The following RNF217 variants were observed in gnomAD, a reference collection of about 807,000 sequenced individuals.
RNF217 encodes ring finger protein 217, also known as E3 ubiquitin-protein ligase RNF217.
A neutral mutation model predicts 57.8 loss-of-function variants in RNF217; 31 were observed. The observed-to-expected ratio is 0.54, with a 90% CI of 0.40 to 0.72. The LOEUF is 0.72. RNF217 is among the 30% of genes least tolerant of loss of function. RNF217 has a pLI of 0.00. For missense variants in RNF217, 696 were observed against 708.3 expected (o/e 0.98, Z 0.20); for synonymous variants, 313 against 294.0 (o/e 1.06, Z -0.66).
At chr6:125,078,002 G>A (rs967213061) in intron 4 of RNF217, among the ~76,000 whole-genome samples, 5 of 152,116 alleles carry the variant, frequency 3.3e-5, no homozygotes, top group South Asian at 2.1e-4. Flanking sequence ...AACCAATGCC[G>A]TCATTTTCTA....
rs1324869372 is a variant in RNF217, at chr6:124,963,351, C to A, written c.807C>A (p.Asp269Glu). ...TGATGTGCCGGGTGTGCCTGGAAGA[C>A]AAGCCCATCAAGCCCCTGCCTTGCT... ...MVLMCRVCLE[D>E]KPIKPLPCCK... The change falls in exon 1 of 6, where the codon GAC becomes GAA. Residue 269 changes from aspartate (D) to glutamate (E), a missense_variant. Asp to Glu is a conservative substitution (Grantham distance 45). Around this residue, in one of 2 missense-constraint regions of RNF217, gnomAD observed 465 missense variants for 386.8 expected, o/e 1.20. Coordinates refer to ENST00000521654, the MANE Select transcript of RNF217 (RefSeq NM_001286398.3). 2.6e-6 allele frequency: 4 copies of A among 1,529,384 alleles called. No individual in the cohort carries two copies. In the East Asian group the frequency reaches 7.3e-5, roughly 28 times the overall value. The allele number at this position is 1,529,384 out of a possible 1,614,324, so 94.7% of individuals were successfully genotyped here.
intron 1 of RNF217, among the ~76,000 whole-genome samples, chr6:125,038,751 A>G: frequency 6.6e-6 from 1 of 152,176 alleles, no homozygotes; most frequent in Non-Finnish European, 1.5e-5. Flanking sequence ...TTCACTTTAT[A>G]CTATGGACTT....
At chr6:124,996,820 C>A (rs989303314) in intron 1 of RNF217, among the ~76,000 whole-genome samples, 2 of 152,106 alleles carry the variant, frequency 1.3e-5, no homozygotes, top group African/African-American at 4.8e-5. Flanking sequence ...CCTTGTATAT[C>A]TTTATATTAC....
At chr6:125,081,589 T>C in intron 5 of RNF217, 82 bp downstream of exon 5, 2 of 1,116,206 alleles carry the variant, frequency 1.8e-6, no homozygotes, top group Non-Finnish European at 2.6e-6. Context: ...ATAATATGAA[T>C]CAGTTATTAA....
At position 125,085,370 on chromosome 6, in the gene RNF217, A is replaced by G. The variant is rs1195658814; in HGVS notation, c.*2433A>G. ...TAGATATTTTTAAATTAACATACAC[A>G]TTTTTCTCTTTAAAGGGTCATATCT... On this transcript the variant is annotated 3_prime_UTR_variant, in exon 6 of 6. Coordinates refer to ENST00000521654, the MANE Select transcript of RNF217 (RefSeq NM_001286398.3). The G allele has an allele frequency of 6.6e-6, 1 of 151,740 alleles. No individual in the cohort carries two copies. The highest frequency in any genetic ancestry group is 1.5e-5 in the Non-Finnish European group (1 of 67,784). The allele number at this position is 151,740 out of a possible 1,614,324, so 9.4% of individuals were successfully genotyped here.
At chr6:124,969,891 G>A (rs1783697337) in intron 1 of RNF217, among the ~76,000 whole-genome samples, 2 of 151,506 alleles carry the variant, frequency 1.3e-5, no homozygotes, top group African/African-American at 2.4e-5. Context: ...TGGAGGATAT[G>A]TTTTACGAAG....
At chr6:125,024,240 A>T (rs934642575) in intron 1 of RNF217, among the ~76,000 whole-genome samples, 2 of 152,136 alleles carry the variant, frequency 1.3e-5, no homozygotes, top group Non-Finnish European at 2.9e-5. Context: ...AGCAGAAGAA[A>T]AGTCGGGAGG....
intron 1 of RNF217, among the ~76,000 whole-genome samples, chr6:125,035,796 A>T (rs924536117): frequency 6.6e-6 from 1 of 151,116 alleles, no homozygotes; most frequent in Admixed American, 6.6e-5. Context: ...ATTTACAGTT[A>T]CAGTCTACCT....
intron 1 of RNF217, among the ~76,000 whole-genome samples, chr6:125,016,158 C>T (rs374743822): frequency 3.3e-5 from 5 of 152,204 alleles, no homozygotes; most frequent in South Asian, 2.1e-4. Flanking sequence ...TGTAAGCAAA[C>T]GTAACAACTT....
intron 1 of RNF217, among the ~76,000 whole-genome samples, chr6:125,044,025 T>A (rs1037848499): frequency 6.6e-6 from 1 of 151,832 alleles, no homozygotes; most frequent in African/African-American, 2.4e-5. Flanking sequence ...TTGTGCCAGA[T>A]AAATAGCAAT....
At chr6:125,052,523 A>G (rs1787364436) in intron 2 of RNF217, among the ~76,000 whole-genome samples, 1 of 152,030 alleles carries the variant, frequency 6.6e-6, no homozygotes, top group African/African-American at 2.4e-5. Context: ...CCATGCAGGG[A>G]AGAGATCCCC....
intron 1 of RNF217, among the ~76,000 whole-genome samples, chr6:124,967,260 A>G (rs977448363): frequency 6.6e-6 from 1 of 152,118 alleles, no homozygotes; most frequent in Non-Finnish European, 1.5e-5. Flanking sequence ...TAACCCTCCT[A>G]AGTATTGGCC....
rs1466894593 is a variant in RNF217 at position 125,089,733 on chromosome 6, A to G, written c.*6796A>G. The G allele has an allele frequency of 1.3e-5, 2 of 152,274 alleles. No individual in the cohort carries two copies. Among genetic ancestry groups the G allele is most frequent in the African/African-American group, 4.8e-5 (2 of 41,572 alleles). 9.4% of individuals were successfully genotyped at this position (152,274 alleles called of 1,614,324 possible). The stretch of plus-strand genomic sequence containing the variant: ...TTTAGATTCTTGTGGCTGGCAAGCT[A>G]TGCTGTCATTGGTTCTCTGCGAATC... On this transcript the variant is annotated 3_prime_UTR_variant, in exon 6 of 6. Coordinates refer to ENST00000521654, the MANE Select transcript of RNF217 (RefSeq NM_001286398.3).
chr6:124,983,256 G>A, intron 1 of RNF217: 1 of 514,744 alleles, frequency 1.9e-6, no homozygotes, highest in South Asian at 8.4e-5. Context: ...TAGAGCCACT[G>A]GTTTTAAAAG....
intron 1 of RNF217, among the ~76,000 whole-genome samples, chr6:124,979,199 C>G (rs1355796252): frequency 6.6e-6 from 1 of 152,136 alleles, no homozygotes; most frequent in Admixed American, 6.5e-5. Flanking sequence ...TTGTCTGTCT[C>G]TTGTTATTAT....
rs1012493616 is a variant in RNF217 at position 125,086,120 on chromosome 6, A to T, written c.*3183A>T. On this transcript the variant is annotated 3_prime_UTR_variant, in exon 6 of 6. Coordinates refer to ENST00000521654, the MANE Select transcript of RNF217 (RefSeq NM_001286398.3). ...AGGTTGTACATTTGTTTTTTACAAG[A>T]TCTTTGTAATAAACATTTTAATGTA... 2 of 151,990 alleles carry T rather than the reference A, an allele frequency of 1.3e-5. No homozygotes were observed. The highest frequency in any genetic ancestry group is 2.4e-5 in the African/African-American group (1 of 41,422). 9.4% of individuals were successfully genotyped at this position (151,990 alleles called of 1,614,324 possible).
At position 125,053,011 on chromosome 6, in the gene RNF217, C is replaced by T. The variant is rs569437434; in HGVS notation, c.1117-4931C>T. Among the ~76,000 whole-genome samples the T allele has an allele frequency of 3.9e-5, 6 of 152,176 alleles. No homozygotes were observed. The South Asian group carries it at 1.0e-3, about 26-fold the overall frequency. On this transcript the variant is annotated intron_variant, in intron 2 of 5. Transcript: ENST00000521654. ...CATCTCTGTTCAGGCTACATTAGAA[C>T]ACTTGCTGTTTCCCCAATATATCAT...
rs9375387 is a variant in RNF217 at position 125,070,462 on chromosome 6, C to T, written c.1282-6195C>T. Among the ~76,000 whole-genome samples, 787 of 152,312 alleles carry T rather than the reference C, an allele frequency of 5.2e-3. 14 individuals are homozygous for T. In the East Asian group the frequency reaches 0.076, roughly 15 times the overall value. The stretch of plus-strand genomic sequence containing the variant: ...GTGATTGTACTAACTTGCAGTTCCA[C>T]AAACATAAAAGTGTTTTCTTTTCAC... On this transcript the variant is annotated intron_variant, in intron 3 of 5. Coordinates refer to ENST00000521654, the MANE Select transcript of RNF217 (RefSeq NM_001286398.3).
chr6:125,006,012 A>G (rs1785165813), intron 1 of RNF217: 1 of 152,224 alleles, frequency 6.6e-6, no homozygotes, highest in South Asian at 2.1e-4. Flanking sequence ...AATTAATTAA[A>G]TAGTTTTTGA....
Sources: allele counts gnomAD v4.1 joint callset (sites outside exome capture counted in the v4.1 genomes callset), GRCh38; gene constraint gnomAD v4.1.1; regional missense constraint gnomAD v4.1.1; transcripts MANE v1.5; gene names NCBI Gene and HGNC (gene_info 2026-07-23, HGNC 2026-07-21).